Variants in CCDC73 observed in about 807,000 individuals in gnomAD.
CCDC73 encodes the protein coiled-coil domain containing 73.
Under a neutral mutation model 116.5 loss-of-function variants are expected in CCDC73, and 95 were observed. The ratio of observed to expected loss-of-function variants is 0.82; its 90% CI spans 0.69 to 0.97. The LOEUF (loss-of-function observed/expected upper bound fraction) is 0.97, where lower values mean the gene tolerates loss of function less well. Among genes scored for constraint, CCDC73 ranks in the 50% least tolerant of loss-of-function variants. The pLI is 0.00. For synonymous variants in CCDC73, 398 were observed against 401.3 expected (o/e 0.99, Z 0.10); for missense variants, 1,066 against 1,206.8 (o/e 0.88, Z 1.73).
the CCDC73 span, among the ~76,000 whole-genome samples, chr11:32,818,644 T>C: frequency 1.2e-3 from 190 of 152,216 alleles, no homozygotes; most frequent in African/African-American, 4.4e-3. Flanking sequence ...TAGCTAAAAA[T>C]TGGAAACAGC....
chr11:32,815,044 G>A, the CCDC73 span, among the ~76,000 whole-genome samples: 1 of 152,174 alleles, frequency 6.6e-6, no homozygotes, highest in Non-Finnish European at 1.5e-5. Context: ...AGAGAATGGT[G>A]AATGACTGCT....
intron 2 of CCDC73, among the ~76,000 whole-genome samples, chr11:32,728,750 G>C (rs1850050759): frequency 6.6e-6 from 1 of 152,132 alleles, no homozygotes; most frequent in African/African-American, 2.4e-5. Flanking sequence ...TGTCGCCCAG[G>C]CTGGAGTGCA....
At chr11:32,809,220 G>T in the CCDC73 span, among the ~76,000 whole-genome samples, 3 of 152,234 alleles carry the variant, frequency 2.0e-5, no homozygotes, top group East Asian at 3.8e-4. Context: ...GGGAACCTGT[G>T]TTCTTGTGTG....
intron 6 of CCDC73, among the ~76,000 whole-genome samples, chr11:32,696,275 T>C (rs1158123356): frequency 6.6e-6 from 1 of 152,240 alleles, no homozygotes; most frequent in Non-Finnish European, 1.5e-5. Context: ...AGTGTTTACA[T>C]TATTACAATC....
At chr11:32,639,220 C>T (rs1855709762) in intron 13 of CCDC73, among the ~76,000 whole-genome samples, 1 of 149,612 alleles carries the variant, frequency 6.7e-6, no homozygotes, top group African/African-American at 2.5e-5. Context: ...TTCTCTAAAA[C>T]TTTCTCCAGC....
intron 14 of CCDC73, among the ~76,000 whole-genome samples, chr11:32,617,056 T>A (rs1214385880): frequency 1.3e-5 from 2 of 152,078 alleles, no homozygotes; most frequent in Non-Finnish European, 2.9e-5. Context: ...CAAGCAAGAT[T>A]AAGAGTATAT....
rs1379911634 is a variant in CCDC73, at chr11:32,752,873, GCT to G, written c.135+7234_135+7235del. 7.9e-5 allele frequency among the ~76,000 whole-genome samples: 12 copies of G among 152,134 alleles called. 1 individual carries two copies. The highest frequency in any genetic ancestry group is 1.5e-5 in the Non-Finnish European group (1 of 68,022). On this transcript the variant is annotated intron_variant, in intron 2 of 17. Transcript: ENST00000335185. Reference sequence around the variant, plus strand: ...GCTGGACTGCAGTGGTACAATCACAGCTCACTGTAACCCCGAACTGCTGGGAT... The same window carrying G: ...GCTGGACTGCAGTGGTACAATCACAGCACTGTAACCCCGAACTGCTGGGAT...
chr11:32,624,472 A>G (rs1855551222), intron 14 of CCDC73, among the ~76,000 whole-genome samples: 1 of 152,226 alleles, frequency 6.6e-6, no homozygotes, highest in East Asian at 1.9e-4. Context: ...AGGATGCCCA[A>G]TAGGGAAGTG....
intron 9 of CCDC73, among the ~76,000 whole-genome samples, chr11:32,667,374 C>T (rs868202515): frequency 6.6e-6 from 1 of 152,328 alleles, no homozygotes; most frequent in Middle Eastern, 3.4e-3. Context: ...GGGTGCCCCT[C>T]CCCCAGCCTC....
chr11:32,637,011 C>CTTTTTTTTTTTT (rs750191536), intron 13 of CCDC73, among the ~76,000 whole-genome samples: 1 of 62,316 alleles, frequency 1.6e-5, no homozygotes, highest in Non-Finnish European at 3.5e-5. Flanking sequence ...TTCACTTTTT[C>CTTTTTTTTTTTT]TTTTTCTTTT....
chr11:32,776,946 T>A (rs61892162), intron 1 of CCDC73, among the ~76,000 whole-genome samples: 1 of 28,028 alleles, frequency 3.6e-5, no homozygotes, highest in Non-Finnish European at 8.1e-5. Flanking sequence ...AATATATATA[T>A]ATATATATAT....
At chr11:32,634,968 CT>C (rs1304506632) in intron 14 of CCDC73, among the ~76,000 whole-genome samples, 1 of 152,044 alleles carries the variant, frequency 6.6e-6, no homozygotes, top group Non-Finnish European at 1.5e-5. Context: ...AAAAAATGTA[CT>C]TCTATATATA....
Position 32,616,066 on chromosome 11 carries a change from T to A in CCDC73, c.1249A>T (p.Ile417Leu), listed in dbSNP as rs751178516. ...TCTTGCTCAGTATTATATTTCTGTA[T>A]AATGGTGTTTTCTGATTTTTCAGTT... ...MSTEKSENTI[I>L]QKYNTEQEIR... The change falls in exon 15 of 18, where the codon ATA becomes TTA. Residue 417 changes from isoleucine to leucine, a missense_variant. Ile to Leu is a conservative substitution (Grantham distance 5). Coordinates refer to ENST00000335185, the MANE Select transcript of CCDC73 (RefSeq NM_001008391.4). 6 of 1,595,656 alleles carry A rather than the reference T, an allele frequency of 3.8e-6. No individual in the cohort carries two copies. The highest frequency in any genetic ancestry group is 5.1e-6 in the Non-Finnish European group (6 of 1,173,716).
intron 1 of CCDC73, among the ~76,000 whole-genome samples, chr11:32,764,412 C>G (rs1400426604): frequency 6.6e-6 from 1 of 152,182 alleles, no homozygotes; most frequent in Admixed American, 6.5e-5. Context: ...AACAGCAGAT[C>G]TCTCAGCAGA....
At chr11:32,666,280 G>A (rs567408253) in intron 9 of CCDC73, among the ~76,000 whole-genome samples, 5 of 152,264 alleles carry the variant, frequency 3.3e-5, no homozygotes, top group South Asian at 2.1e-4. Context: ...CATTCTCCCC[G>A]TCACTTTCAG....
intron 3 of CCDC73, among the ~76,000 whole-genome samples, chr11:32,707,383 CT>C (rs777844975): frequency 0.019 from 2,601 of 139,826 alleles, 53 homozygotes; most frequent in African/African-American, 0.048. Flanking sequence ...CTCGAAGTTA[CT>C]TTTTTTTTTT....
intron 14 of CCDC73, 77 bp from the exon 15 acceptor site, chr11:32,616,206 G>A (rs1467774742): frequency 5.1e-6 from 7 of 1,371,826 alleles, no homozygotes; most frequent in Non-Finnish European, 6.8e-6. Context: ...TGATAAATGT[G>A]GAATCTGTGT....
chr11:32,684,162 T>A (rs1856173088), intron 6 of CCDC73, among the ~76,000 whole-genome samples: 1 of 152,094 alleles, frequency 6.6e-6, no homozygotes, highest in Non-Finnish European at 1.5e-5. Flanking sequence ...ATCCTCCTGC[T>A]ACCTCAGCCT....
At chr11:32,645,501 A>G (rs1217631899) in intron 12 of CCDC73, among the ~76,000 whole-genome samples, 4 of 151,718 alleles carry the variant, frequency 2.6e-5, no homozygotes, top group African/African-American at 4.8e-5. Context: ...ATGTTGGTCA[A>G]GCTGGTTTTG....
Sources: gnomAD v4.1 joint callset for allele counts (sites outside exome capture counted in the v4.1 genomes callset) on GRCh38, gnomAD v4.1.1 for gene constraint, MANE v1.5 for transcripts, NCBI Gene and HGNC (gene_info 2026-07-23, HGNC 2026-07-21) for gene names.